WDFY4: variants seen among roughly 807,000 people sequenced by gnomAD.
WDFY4 encodes the protein WD repeat- and FYVE domain-containing protein 4.
A neutral mutation model predicts 351.9 loss-of-function variants in WDFY4; 169 were observed. The observed-to-expected ratio is 0.48, with a 90% CI of 0.42 to 0.55. The LOEUF is 0.55. WDFY4 is among the 20% of genes least tolerant of loss of function. The pLI is 0.00. For missense variants in WDFY4, 3,803 were observed against 3,935.6 expected (o/e 0.97, Z 0.90); for synonymous variants, 1,622 against 1,574.6 (o/e 1.03, Z -0.71).
At chr10:48,780,406 C>G (rs1283707339) in intron 19 of WDFY4, among the ~76,000 whole-genome samples, 1 of 152,200 alleles carries the variant, frequency 6.6e-6, no homozygotes, top group Non-Finnish European at 1.5e-5. Context: ...ATAGAAAACT[C>G]CAGAATGAAC....
intron 6 of WDFY4, among the ~76,000 whole-genome samples, chr10:48,727,044 A>G (rs747567407): frequency 6.6e-6 from 1 of 152,126 alleles, no homozygotes; most frequent in Non-Finnish European, 1.5e-5. Context: ...CAGTATCCAA[A>G]GCACCCCATC....
intron 60 of WDFY4, among the ~76,000 whole-genome samples, chr10:48,980,271 T>C (rs965827228): frequency 6.8e-6 from 1 of 146,386 alleles, no homozygotes; most frequent in African/African-American, 2.4e-5. Context: ...GCTGGAGGTC[T>C]CTAATAAAAA....
chr10:48,795,516 TATATATACATATATATATACAC>T (rs143651709), intron 23 of WDFY4, among the ~76,000 whole-genome samples: 5,840 of 106,244 alleles, frequency 0.055, 652 homozygotes, highest in African/African-American at 0.21. Flanking sequence ...TATATATATA[TATATATACATATATATATACAC>T]ACACATGAAT....
intron 18 of WDFY4, 42 bp downstream of exon 18, chr10:48,778,874 G>C: frequency 6.5e-7 from 1 of 1,538,904 alleles, no homozygotes; most frequent in East Asian, 2.4e-5. Context: ...CCACATGTGG[G>C]GGAAATGGGG....
At chr10:48,893,987 T>A (rs532394342) in intron 44 of WDFY4, among the ~76,000 whole-genome samples, 6 of 152,356 alleles carry the variant, frequency 3.9e-5, no homozygotes, top group Non-Finnish European at 8.8e-5. Context: ...TACCCTTGAC[T>A]GCCTGAAATT....
At chr10:48,714,021 C>T (rs2063833019) in intron 2 of WDFY4, among the ~76,000 whole-genome samples, 2 of 152,174 alleles carry the variant, frequency 1.3e-5, no homozygotes, top group South Asian at 4.1e-4. Context: ...ACTAGCTAGC[C>T]AGACATTCTG....
At chr10:48,722,760 G>T (rs933830421) in intron 4 of WDFY4, among the ~76,000 whole-genome samples, 1 of 152,216 alleles carries the variant, frequency 6.6e-6, no homozygotes, top group African/African-American at 2.4e-5. Flanking sequence ...CAGTAATCCT[G>T]GTGGAGCTGC....
chr10:48,873,195 G>A (rs1398292201), intron 40 of WDFY4, among the ~76,000 whole-genome samples: 1 of 152,218 alleles, frequency 6.6e-6, no homozygotes, highest in African/African-American at 2.4e-5. Flanking sequence ...GCTGCTACAG[G>A]ACCTTCCAGA....
At chr10:48,763,257 T>C (rs540150074) in intron 13 of WDFY4, among the ~76,000 whole-genome samples, 11 of 152,344 alleles carry the variant, frequency 7.2e-5, no homozygotes, top group African/African-American at 2.6e-4. Flanking sequence ...GGAAAGTTGT[T>C]TGGCTTTCTA....
intron 47 of WDFY4, chr10:48,913,245 G>A (rs1464264594): frequency 1.3e-5 from 10 of 756,236 alleles, no homozygotes; most frequent in Admixed American, 7.0e-5. Context: ...ATCACACGCC[G>A]AGAAAGTAAG....
intron 2 of WDFY4, among the ~76,000 whole-genome samples, chr10:48,717,657 A>C (rs1455263278): frequency 1.3e-5 from 2 of 152,346 alleles, no homozygotes; most frequent in African/African-American, 4.8e-5. Context: ...ATAGACTCAT[A>C]CTGTAATATA....
chr10:48,719,436 G>A (rs577124931), intron 2 of WDFY4, among the ~76,000 whole-genome samples: 1 of 152,204 alleles, frequency 6.6e-6, no homozygotes, highest in South Asian at 2.1e-4. Flanking sequence ...CTGCTCACGG[G>A]AGGCCTGGAG....
intron 47 of WDFY4, among the ~76,000 whole-genome samples, chr10:48,916,999 C>A (rs1051941395): frequency 6.6e-6 from 1 of 151,724 alleles, no homozygotes. Context: ...TATAATTTTA[C>A]TTTACCTCTT....
At chr10:48,931,937 C>A (rs1429930702) in intron 47 of WDFY4, among the ~76,000 whole-genome samples, 1 of 152,190 alleles carries the variant, frequency 6.6e-6, no homozygotes, top group Non-Finnish European at 1.5e-5. Flanking sequence ...GGATGGCCAC[C>A]CACATGTTAG....
rs919453344 is a variant in WDFY4, at chr10:48,758,852, G to A, written c.2460-1495G>A. Among the ~76,000 whole-genome samples, 20 of 152,176 alleles carry A rather than the reference G, an allele frequency of 1.3e-4. No individual in the cohort carries two copies. In the South Asian group the frequency reaches 2.1e-3, roughly 16 times the overall value. On this transcript the variant is annotated intron_variant, in intron 12 of 61. Coordinates refer to ENST00000325239, the MANE Select transcript of WDFY4 (RefSeq NM_001394531.1). ...GGTTAATAACTGCTTTAAGGGTTTC[G>A]TCTGATAGTTCCAACATCTGTGACA...
At chr10:48,826,628 C>T (rs781729634) in intron 35 of WDFY4, 43 bp from the exon 36 acceptor site, 46 of 1,429,680 alleles carry the variant, frequency 3.2e-5, no homozygotes, top group Admixed American at 2.0e-5. Context: ...AATTGTAAAG[C>T]ACTCACAAGT....
intron 48 of WDFY4, among the ~76,000 whole-genome samples, chr10:48,942,786 C>T (rs553254879): frequency 7.2e-5 from 11 of 152,296 alleles, no homozygotes; most frequent in East Asian, 1.9e-4. Context: ...ATTCCCAATA[C>T]GGGCCCTGTC....
At chr10:48,939,071 G>C (rs1818117417) in intron 47 of WDFY4, among the ~76,000 whole-genome samples, 1 of 152,174 alleles carries the variant, frequency 6.6e-6, no homozygotes, top group Admixed American at 6.5e-5. Context: ...CAAACCCTGA[G>C]GAGCTTCTCA....
At chr10:48,898,953 T>A (rs140892376) in intron 45 of WDFY4, among the ~76,000 whole-genome samples, 1 of 152,126 alleles carries the variant, frequency 6.6e-6, no homozygotes, top group Admixed American at 6.5e-5. Context: ...CTTTCCACTA[T>A]TATACATACA....
Sources: gnomAD v4.1 joint callset for allele counts (sites outside exome capture counted in the v4.1 genomes callset) on GRCh38, gnomAD v4.1.1 for gene constraint, MANE v1.5 for transcripts, NCBI Gene and HGNC (gene_info 2026-07-23, HGNC 2026-07-21) for gene names.